Variants in ARSB observed in about 807,000 individuals in gnomAD.
ARSB encodes arylsulfatase B, also known as N-acetylgalactosamine-4-sulfatase.
Under a neutral mutation model 50.9 loss-of-function variants are expected in ARSB, and 41 were observed. The observed-to-expected ratio is 0.81, with a 90% confidence interval of 0.63 to 1.04. ARSB has a LOEUF of 1.04. ARSB is among the 50% of genes least tolerant of loss of function. The pLI is 0.00. For synonymous variants in ARSB, 269 were observed against 284.8 expected (o/e 0.94, Z 0.56); for missense variants, 672 against 693.3 (o/e 0.97, Z 0.35).
At chr5:78,958,981 C>T (rs1751862433) in intron 3 of ARSB, among the ~76,000 whole-genome samples, 1 of 151,928 alleles carries the variant, frequency 6.6e-6, no homozygotes, top group Non-Finnish European at 1.5e-5. Flanking sequence ...TTTAAGCTCC[C>T]CTAAATTTTG....
intron 5 of ARSB, among the ~76,000 whole-genome samples, chr5:78,843,460 A>G (rs1745314463): frequency 1.3e-5 from 2 of 152,206 alleles, no homozygotes; most frequent in Admixed American, 1.3e-4. Flanking sequence ...ACTCTTAAAA[A>G]ATACTGATGC....
At chr5:78,796,253 T>C (rs1561428200) in intron 6 of ARSB, among the ~76,000 whole-genome samples, 1 of 152,390 alleles carries the variant, frequency 6.6e-6, no homozygotes, top group East Asian at 1.9e-4. Context: ...TGTTGATCAC[T>C]ATATGTGTTA....
At chr5:78,923,065 T>C (rs973066567) in intron 4 of ARSB, among the ~76,000 whole-genome samples, 7 of 152,066 alleles carry the variant, frequency 4.6e-5, no homozygotes, top group African/African-American at 1.2e-4. Flanking sequence ...TGCATGTAGG[T>C]AGTTTATGTT....
chr5:78,839,953 G>A (rs1745125462), intron 5 of ARSB, among the ~76,000 whole-genome samples: 1 of 152,138 alleles, frequency 6.6e-6, no homozygotes, highest in Admixed American at 6.5e-5. Context: ...ATCTCTTTAA[G>A]GCTTTAAAAA....
intron 6 of ARSB, among the ~76,000 whole-genome samples, chr5:78,833,555 C>A (rs1744790208): frequency 6.6e-6 from 1 of 152,108 alleles, no homozygotes; most frequent in Non-Finnish European, 1.5e-5. Flanking sequence ...AGCTGGGAGG[C>A]AGTGGAGGGA....
At chr5:78,808,328 A>G (rs1329088169) in intron 6 of ARSB, among the ~76,000 whole-genome samples, 1 of 152,092 alleles carries the variant, frequency 6.6e-6, no homozygotes, top group African/African-American at 2.4e-5. Flanking sequence ...AGGATCCTTA[A>G]AAAAATAAAC....
intron 6 of ARSB, among the ~76,000 whole-genome samples, chr5:78,793,119 C>T (rs143088453): frequency 1.4e-5 from 2 of 145,860 alleles, no homozygotes; most frequent in Non-Finnish European, 2.9e-5. Flanking sequence ...CTAACATAGG[C>T]TGCCTGAAAT....
intron 5 of ARSB, among the ~76,000 whole-genome samples, chr5:78,848,116 G>T (rs1745538868): frequency 6.6e-6 from 1 of 150,512 alleles, no homozygotes; most frequent in African/African-American, 2.4e-5. Flanking sequence ...TGTGCACAAT[G>T]TGCAGGTTAG....
intron 2 of ARSB, among the ~76,000 whole-genome samples, chr5:78,966,870 C>T (rs1315604298): frequency 1.4e-5 from 2 of 148,024 alleles, no homozygotes; most frequent in Non-Finnish European, 3.0e-5. Context: ...AGTGATCTTA[C>T]ATCAAGTCTA....
intron 4 of ARSB, among the ~76,000 whole-genome samples, chr5:78,900,981 G>A (rs7706760): frequency 0.061 from 9,034 of 147,462 alleles, 608 homozygotes; most frequent in African/African-American, 0.16. Flanking sequence ...GGGAGGCAGA[G>A]CTTGCAGTGA....
At chr5:78,869,480 A>T (rs1232107911) in intron 5 of ARSB, among the ~76,000 whole-genome samples, 1 of 133,104 alleles carries the variant, frequency 7.5e-6, no homozygotes, top group Non-Finnish European at 1.6e-5. Flanking sequence ...ACCACAGTGC[A>T]ATCAAACTAG....
At chr5:78,953,802 TC>T (rs1751585047) in intron 4 of ARSB, among the ~76,000 whole-genome samples, 1 of 151,196 alleles carries the variant, frequency 6.6e-6, no homozygotes, top group African/African-American at 2.4e-5. Flanking sequence ...AAAAAAGAAC[TC>T]AAAAGGAAGA....
At chr5:78,967,675 A>T (rs971042178) in intron 2 of ARSB, among the ~76,000 whole-genome samples, 17 of 58,238 alleles carry the variant, frequency 2.9e-4, no homozygotes, top group African/African-American at 4.9e-4. Flanking sequence ...TCCGTATATA[A>T]AAAAAAAAAA....
At chr5:78,976,136 A>G (rs977778880) in intron 1 of ARSB, among the ~76,000 whole-genome samples, 3 of 152,066 alleles carry the variant, frequency 2.0e-5, no homozygotes, top group African/African-American at 7.2e-5. Flanking sequence ...ATATCAAGAA[A>G]CCAATAAACA....
At position 78,814,181 on chromosome 5, in the gene ARSB, T is replaced by C. The variant is rs190520015; in HGVS notation, c.1213+25175A>G. Among the ~76,000 whole-genome samples the C allele has an allele frequency of 2.6e-5, 4 of 151,208 alleles. No individual in the cohort carries two copies. The East Asian group carries it at 5.8e-4, about 22-fold the overall frequency. ...GCCCTGCTACTTCTGAAGGAAAATA[T>C]ACAGAGCAAAAAGACATGCTGTTAA... On this transcript the variant is annotated intron_variant, in intron 6 of 7. Coordinates refer to ENST00000264914, the MANE Select transcript of ARSB (RefSeq NM_000046.5).
intron 5 of ARSB, among the ~76,000 whole-genome samples, chr5:78,873,050 G>A (rs918318594): frequency 6.6e-6 from 1 of 151,898 alleles, no homozygotes; most frequent in African/African-American, 2.4e-5. Context: ...AATAGAAAAT[G>A]AGAATTCAAA....
intron 5 of ARSB, among the ~76,000 whole-genome samples, chr5:78,851,218 C>A (rs146727929): frequency 5.3e-4 from 80 of 152,338 alleles, no homozygotes; most frequent in African/African-American, 1.9e-3. Flanking sequence ...TTTCCCACTA[C>A]ACACTGCTTT....
At chr5:78,940,338 A>G (rs541066804) in intron 4 of ARSB, among the ~76,000 whole-genome samples, 19 of 152,308 alleles carry the variant, frequency 1.2e-4, no homozygotes, top group African/African-American at 4.1e-4. Context: ...TTGGTGTTTT[A>G]GACATGAAGT....
chr5:78,802,210 A>AT (rs1187754525), intron 6 of ARSB, among the ~76,000 whole-genome samples: 5 of 152,130 alleles, frequency 3.3e-5, no homozygotes, highest in Non-Finnish European at 5.9e-5. Context: ...CTCAGAGCAG[A>AT]TATTTTTTGA....
Sources: gnomAD v4.1 joint callset for allele counts (sites outside exome capture counted in the v4.1 genomes callset) on GRCh38, gnomAD v4.1.1 for gene constraint, MANE v1.5 for transcripts, NCBI Gene and HGNC (gene_info 2026-07-23, HGNC 2026-07-21) for gene names.